Variants in WWC2 observed in about 807,000 individuals in gnomAD.
The protein encoded by WWC2 is WW and C2 domain containing 2, also known as protein WWC2.
Under a neutral mutation model 138.5 loss-of-function variants are expected in WWC2, and 101 were observed. The observed-to-expected ratio is 0.73, with a 90% CI of 0.62 to 0.86. The LOEUF is 0.86. Ranked by LOEUF, WWC2 falls within the 40% of genes least tolerant of loss-of-function variation. The probability of loss-of-function intolerance (pLI) is 0.00; values close to 1 mark genes in which losing one functional copy is unlikely to be tolerated. For synonymous variants in WWC2, 558 were observed against 538.4 expected, an observed-to-expected ratio of 1.04 and a Z score of -0.50; for missense variants, 1,420 against 1,419.4, an observed-to-expected ratio of 1.00 and a Z score of -0.01.
chr4:183,274,874 G>A (rs953874896), intron 16 of WWC2, among the ~76,000 whole-genome samples: 11 of 152,086 alleles, frequency 7.2e-5, no homozygotes, highest in African/African-American at 2.7e-4. Flanking sequence ...TCAAATCAGG[G>A]TAAATTAACA....
At chr4:183,104,205 CACTGCTAG>C (rs1450200299) in intron 1 of WWC2, among the ~76,000 whole-genome samples, 2 of 152,134 alleles carry the variant, frequency 1.3e-5, no homozygotes, top group African/African-American at 4.8e-5. Context: ...TCTATGAACC[CACTGCTAG>C]ACTGTAAACT....
chr4:183,221,354 T>G (rs1414251759), intron 4 of WWC2, among the ~76,000 whole-genome samples: 1 of 152,182 alleles, frequency 6.6e-6, no homozygotes, highest in Non-Finnish European at 1.5e-5. Context: ...TTGGACATGA[T>G]AGAATGTGTA....
At chr4:183,179,046 A>G (rs751630833) in intron 1 of WWC2, among the ~76,000 whole-genome samples, 10 of 152,254 alleles carry the variant, frequency 6.6e-5, no homozygotes, top group Non-Finnish European at 1.2e-4. Context: ...TGCTCCTGTG[A>G]CATAAAACAA....
chr4:183,311,716 A>G (rs1228256134), intron 21 of WWC2, among the ~76,000 whole-genome samples: 1 of 151,620 alleles, frequency 6.6e-6, no homozygotes, highest in Non-Finnish European at 1.5e-5. Context: ...AGCTGGGACT[A>G]CAGGTGCCCA....
At chr4:183,116,369 C>A (rs770887860) in intron 1 of WWC2, among the ~76,000 whole-genome samples, 1 of 152,164 alleles carries the variant, frequency 6.6e-6, no homozygotes, top group Non-Finnish European at 1.5e-5. Flanking sequence ...TATTCCAATG[C>A]TCAGCTTTGT....
At chr4:183,258,126 G>A (rs1056979028) in intron 9 of WWC2, among the ~76,000 whole-genome samples, 9 of 152,178 alleles carry the variant, frequency 5.9e-5, no homozygotes, top group South Asian at 2.1e-4. Flanking sequence ...GCAATATTGA[G>A]TTTTAAAACT....
At chr4:183,187,865 C>T (rs1734859825) in intron 1 of WWC2, among the ~76,000 whole-genome samples, 3 of 151,648 alleles carry the variant, frequency 2.0e-5, no homozygotes. Context: ...AAGAGTGAAA[C>T]TCCGTCTCAA....
In WWC2 at chr4:183,280,324, C is replaced by T. The variant is rs192175958; in HGVS notation, c.2563-452C>T. Among the ~76,000 whole-genome samples the T allele has an allele frequency of 3.6e-4, 47 of 129,070 alleles. No homozygotes were observed. The Admixed American group carries it at 4.4e-3, about 12-fold the overall frequency. 84.7% of individuals were successfully genotyped at this position (129,070 alleles called of 152,430 possible). A position where few individuals can be genotyped will look rare whatever the true frequency, so the allele number is the denominator to read the frequency against. On this transcript the variant is annotated intron_variant, in intron 16 of 22. Transcript: ENST00000403733. Reference sequence around the variant, plus strand: ...ATGGCAAATGCCATGACAGGAATATCATGTAGAATATTGAGCTCACTTTAC... The same window carrying T: ...ATGGCAAATGCCATGACAGGAATATTATGTAGAATATTGAGCTCACTTTAC...
chr4:183,284,484 G>C, intron 19 of WWC2, 94 bp downstream of exon 19: 1 of 1,397,062 alleles, frequency 7.2e-7, no homozygotes, highest in Non-Finnish European at 9.7e-7. Flanking sequence ...CTGTGCACTG[G>C]GAGTCCACAT....
intron 1 of WWC2, among the ~76,000 whole-genome samples, chr4:183,135,478 C>T (rs564916753): frequency 7.2e-5 from 11 of 151,766 alleles, no homozygotes; most frequent in Non-Finnish European, 1.0e-4. Context: ...TAGGACAAGT[C>T]GAGAACCTTG....
At chr4:183,175,577 A>G (rs1321828870) in intron 1 of WWC2, among the ~76,000 whole-genome samples, 1 of 152,152 alleles carries the variant, frequency 6.6e-6, no homozygotes, top group Non-Finnish European at 1.5e-5. Flanking sequence ...AAATTCTTTT[A>G]TAACTTTTTT....
intron 5 of WWC2, among the ~76,000 whole-genome samples, chr4:183,241,192 C>T (rs191948104): frequency 7.2e-5 from 11 of 152,292 alleles, no homozygotes; most frequent in East Asian, 1.9e-4. Flanking sequence ...GTGTTCTTCC[C>T]GGCATCTCCC....
intron 21 of WWC2, among the ~76,000 whole-genome samples, chr4:183,296,620 A>G (rs1001252103): frequency 6.6e-6 from 1 of 152,158 alleles, no homozygotes; most frequent in African/African-American, 2.4e-5. Flanking sequence ...TCATCCTTAC[A>G]TAGATGATCT....
At chr4:183,278,955 T>C (rs1737964685) in intron 16 of WWC2, among the ~76,000 whole-genome samples, 2 of 151,690 alleles carry the variant, frequency 1.3e-5, no homozygotes, top group Admixed American at 1.3e-4. Flanking sequence ...CTTTTCCTAA[T>C]TGAATACCCT....
At chr4:183,305,583 C>A (rs1181354256) in intron 21 of WWC2, among the ~76,000 whole-genome samples, 3 of 152,076 alleles carry the variant, frequency 2.0e-5, no homozygotes, top group African/African-American at 7.2e-5. Flanking sequence ...AGAAATCATA[C>A]AAGCAAGAAG....
At chr4:183,245,248 A>AAGAGAG (rs369345159) in intron 5 of WWC2, among the ~76,000 whole-genome samples, 168 bp from the exon 6 acceptor site, 34 of 146,618 alleles carry the variant, frequency 2.3e-4, no homozygotes, top group African/African-American at 7.8e-4. Context: ...AAAAAAAAAA[A>AAGAGAG]AGAGAGAGAA....
At chr4:183,143,584 G>A (rs2111100668) in intron 1 of WWC2, among the ~76,000 whole-genome samples, 1 of 152,244 alleles carries the variant, frequency 6.6e-6, no homozygotes, top group South Asian at 2.1e-4. Flanking sequence ...GAGGAGGGTG[G>A]ATCGCTTGAG....
At chr4:183,263,064 A>G (rs1159123182) in intron 11 of WWC2, among the ~76,000 whole-genome samples, 1 of 152,238 alleles carries the variant, frequency 6.6e-6, no homozygotes, top group African/African-American at 2.4e-5. Context: ...ATGATAAGTA[A>G]TAAACTCTGG....
intron 1 of WWC2, among the ~76,000 whole-genome samples, chr4:183,161,336 AGAT>A (rs2111140271): frequency 6.6e-6 from 1 of 152,336 alleles, no homozygotes; most frequent in South Asian, 2.1e-4. Flanking sequence ...CTGTTATCTT[AGAT>A]GGAGTTTCAG....
Sources: gnomAD v4.1 joint callset for allele counts (sites outside exome capture counted in the v4.1 genomes callset) on GRCh38, gnomAD v4.1.1 for gene constraint, MANE v1.5 for transcripts, NCBI Gene and HGNC (gene_info 2026-07-23, HGNC 2026-07-21) for gene names.